TLL1: variants seen among roughly 807,000 people sequenced by gnomAD.
The protein encoded by TLL1 is tolloid like 1.
In TLL1, 49 loss-of-function variants were observed where a neutral mutation model predicts 128.2. The ratio of observed to expected loss-of-function variants is 0.38; its 90% CI spans 0.30 to 0.48. The LOEUF is 0.48. Among genes scored for constraint, TLL1 ranks in the 20% least tolerant of loss-of-function variants. TLL1 has a pLI of 0.96. For missense variants in TLL1, 1,123 were observed against 1,242.0 expected, an observed-to-expected ratio of 0.90 and a Z score of 1.44; for synonymous variants, 454 against 418.8, an observed-to-expected ratio of 1.08 and a Z score of -1.03.
intron 9 of TLL1, among the ~76,000 whole-genome samples, chr4:166,038,393 T>A (rs1739094814): frequency 6.6e-6 from 1 of 152,012 alleles, no homozygotes; most frequent in African/African-American, 2.4e-5. Flanking sequence ...TTGGCCAAAG[T>A]CCATCACAAT....
At chr4:165,935,576 A>G (rs74619009) in intron 1 of TLL1, among the ~76,000 whole-genome samples, 3,689 of 152,340 alleles carry the variant, frequency 0.024, 44 homozygotes, top group Non-Finnish European at 0.036. Context: ...GAACATTTCC[A>G]CTGGCTGCAA....
intron 9 of TLL1, among the ~76,000 whole-genome samples, chr4:166,026,711 A>T (rs1738513082): frequency 6.6e-6 from 1 of 152,050 alleles, no homozygotes; most frequent in South Asian, 2.1e-4. Flanking sequence ...GACAAAAACA[A>T]ACCCCAAGGA....
At chr4:165,966,640 G>T (rs903357025) in intron 1 of TLL1, among the ~76,000 whole-genome samples, 1 of 152,096 alleles carries the variant, frequency 6.6e-6, no homozygotes, top group African/African-American at 2.4e-5. Flanking sequence ...GTTTCTGGGG[G>T]AGACATCACA....
chr4:165,926,260 A>G (rs997031659), intron 1 of TLL1, among the ~76,000 whole-genome samples: 4 of 152,210 alleles, frequency 2.6e-5, no homozygotes, highest in South Asian at 2.1e-4. Context: ...CCATCTATCT[A>G]TTTTTTGACA....
At chr4:165,956,990 A>G (rs1188985380) in intron 1 of TLL1, among the ~76,000 whole-genome samples, 1 of 152,108 alleles carries the variant, frequency 6.6e-6, no homozygotes, top group Non-Finnish European at 1.5e-5. Flanking sequence ...GACAGGATCA[A>G]AACCTCAAAT....
chr4:166,050,249 GTC>G (rs141621375), intron 12 of TLL1, among the ~76,000 whole-genome samples: 23,499 of 151,978 alleles, frequency 0.15, 2,354 homozygotes, highest in South Asian at 0.24. Context: ...CATTCTTTCT[GTC>G]TCTATGAATT....
At chr4:165,922,911 T>G (rs1733098222) in intron 1 of TLL1, among the ~76,000 whole-genome samples, 1 of 152,180 alleles carries the variant, frequency 6.6e-6, no homozygotes. Context: ...TTCCTTGAGA[T>G]TTCTTTGTTT....
At chr4:166,089,755 C>A (rs1015448627) in intron 18 of TLL1, among the ~76,000 whole-genome samples, 2 of 152,074 alleles carry the variant, frequency 1.3e-5, no homozygotes, top group African/African-American at 4.8e-5. Context: ...TACTCTAATG[C>A]TTATTGGTTA....
intron 9 of TLL1, among the ~76,000 whole-genome samples, chr4:166,035,104 G>A (rs1356154490): frequency 2.0e-5 from 3 of 152,060 alleles, no homozygotes; most frequent in African/African-American, 7.2e-5. Context: ...AATTTTGGAG[G>A]GACATACACA....
At chr4:166,098,511 C>A (rs756025795) in intron 19 of TLL1, among the ~76,000 whole-genome samples, 1 of 151,886 alleles carries the variant, frequency 6.6e-6, no homozygotes, top group Non-Finnish European at 1.5e-5. Flanking sequence ...ACTGGTATAG[C>A]CTATGCTTAT....
intron 9 of TLL1, chr4:166,030,780 T>C (rs2111078398): frequency 2.8e-6 from 3 of 1,087,732 alleles, no homozygotes; most frequent in Non-Finnish European, 3.3e-6. Flanking sequence ...TTCTGACTTC[T>C]ATTATGGCTT....
intron 13 of TLL1, among the ~76,000 whole-genome samples, chr4:166,055,913 A>C (rs1739982280): frequency 6.6e-6 from 1 of 152,128 alleles, no homozygotes; most frequent in Non-Finnish European, 1.5e-5. Context: ...TTATAGAATA[A>C]AATTTTTCTA....
At chr4:165,917,058 T>C (rs1251148600) in intron 1 of TLL1, among the ~76,000 whole-genome samples, 9 of 152,162 alleles carry the variant, frequency 5.9e-5, no homozygotes, top group African/African-American at 2.2e-4. Context: ...ATGTAGTATT[T>C]ACGGCTTAAA....
chr4:166,045,822 C>T (rs909943886), intron 12 of TLL1, among the ~76,000 whole-genome samples: 3 of 152,122 alleles, frequency 2.0e-5, no homozygotes, highest in Non-Finnish European at 2.9e-5. Flanking sequence ...CAGATCTTTG[C>T]TTTTACTCTC....
At position 165,873,864 on chromosome 4, in the gene TLL1, C is replaced by A. The variant is rs1451579021; in HGVS notation, c.-41C>A. 1.9e-6 allele frequency: 3 copies of A among 1,611,598 alleles called. No individual in the cohort carries two copies. The highest frequency in any genetic ancestry group is 2.5e-6 in the Non-Finnish European group (3 of 1,179,436). On this transcript the variant is annotated 5_prime_UTR_variant, in exon 1 of 21. Coordinates refer to ENST00000061240, the MANE Select transcript of TLL1 (RefSeq NM_012464.5). ...ATCAGCGCGGACCGCGGCTGCCTAA[C>A]CTCTGGGTCCCGTCCCCTCCTTTTC...
chr4:166,033,929 A>G (rs1358650041), intron 9 of TLL1, among the ~76,000 whole-genome samples: 1 of 152,156 alleles, frequency 6.6e-6, no homozygotes, highest in South Asian at 2.1e-4. Context: ...CTATTTTCCT[A>G]TATAACCCAT....
intron 18 of TLL1, among the ~76,000 whole-genome samples, chr4:166,082,107 G>A (rs76007780): frequency 0.063 from 9,622 of 152,186 alleles, 525 homozygotes; most frequent in African/African-American, 0.14. Context: ...AGGAATTGGA[G>A]TTTGTGTTTT....
At position 166,091,434 on chromosome 4, in the gene TLL1, C is replaced by A. The variant is rs1300152243; in HGVS notation, c.2656+93C>A. ...TTCAATAATAGGATTGTAAATAAAT[C>A]TCCAAGCATAGCAGATAAAATTTCA... is the stretch of plus-strand genomic sequence containing the variant. On this transcript the variant is annotated intron_variant, in intron 19 of 20. Coordinates refer to ENST00000061240, the MANE Select transcript of TLL1 (RefSeq NM_012464.5). 4.7e-6 allele frequency: 5 copies of A among 1,065,782 alleles called. No homozygotes were observed. In the African/African-American group the frequency reaches 4.7e-5, roughly 10 times the overall value. The allele number at this position is 1,065,782 out of a possible 1,614,324, so 66.0% of individuals were successfully genotyped here.
At chr4:165,890,444 A>G (rs573952321) in intron 1 of TLL1, among the ~76,000 whole-genome samples, 22 of 152,238 alleles carry the variant, frequency 1.4e-4, no homozygotes, top group Admixed American at 4.6e-4. Context: ...TGAAATCAAA[A>G]GCAAGTTAGT....
Sources: allele counts gnomAD v4.1 joint callset (sites outside exome capture counted in the v4.1 genomes callset), GRCh38; gene constraint gnomAD v4.1.1; transcripts MANE v1.5; gene names NCBI Gene and HGNC (gene_info 2026-07-23, HGNC 2026-07-21).